The following INPP1 variants were observed in gnomAD, a reference collection of about 807,000 sequenced individuals.
INPP1 encodes inositol polyphosphate 1-phosphatase.
A neutral mutation model predicts 23.0 loss-of-function variants in INPP1; 18 were observed. The observed-to-expected ratio is 0.78, with a 90% CI of 0.54 to 1.16. The LOEUF is 1.16. Ranked by LOEUF, INPP1 falls within the 50% of genes most tolerant of loss-of-function variation. The probability of loss-of-function intolerance (pLI) is 0.00; values close to 1 mark genes in which losing one functional copy is unlikely to be tolerated. For missense variants in INPP1, 448 were observed against 482.1 expected (o/e 0.93, Z 0.66); for synonymous variants, 164 against 176.3 (o/e 0.93, Z 0.55).
At position 190,354,731 on chromosome 2, in the gene INPP1, T is replaced by C. The variant is rs916859545; in HGVS notation, c.-64-5308T>C. ...AACTAACACCAGAAGAATTAGGTAT[T>C]GGGCATGCCCCCTGCCATCAATGCC... On this transcript the variant is annotated intron_variant, in intron 2 of 6. Coordinates refer to ENST00000392329, the MANE Select transcript of INPP1 (RefSeq NM_001128928.2). The surrounding 1 kb of genome is among the most constrained non-coding windows in gnomAD (Gnocchi z 4.8). Among the ~76,000 whole-genome samples, 1 of 152,328 alleles carries C rather than the reference T, an allele frequency of 6.6e-6. No individual in the cohort carries two copies. Among genetic ancestry groups the C allele is most frequent in the East Asian group, 1.9e-4 (1 of 5,190 alleles).
chr2:190,365,201 C>T lies in INPP1; in HGVS notation c.266-1494C>T, dbSNP rs866527465. 5.3e-5 allele frequency: 9 copies of T among 168,928 alleles called. No individual in the cohort carries two copies. The Middle Eastern group carries it at 2.1e-3, about 39-fold the overall frequency. The allele number at this position is 168,928 out of a possible 1,614,324, so 10.5% of individuals were successfully genotyped here. ...AAAGCGATGGTAAAGCACCTGGCCTCGGTAACTTATCGTTTCATTTGAAGA... is the reference window on the plus strand; with the variant it reads ...AAAGCGATGGTAAAGCACCTGGCCTTGGTAACTTATCGTTTCATTTGAAGA... On this transcript the variant is annotated intron_variant, in intron 4 of 6. Transcript: ENST00000392329.
intron 1 of INPP1, among the ~76,000 whole-genome samples, chr2:190,347,637 A>G (rs548205577): frequency 4.6e-5 from 7 of 152,308 alleles, no homozygotes; most frequent in African/African-American, 1.7e-4. Flanking sequence ...ATTAATTTAA[A>G]TATTTGCCAA....
chr2:190,360,551 A>G (rs2067407), intron 3 of INPP1, among the ~76,000 whole-genome samples: 62,503 of 152,046 alleles, frequency 0.41, 14,863 homozygotes, highest in African/African-American at 0.66. Flanking sequence ...TCTAATACCT[A>G]GAAATAAACA....
chr2:190,360,759 T>C (rs1051701604), intron 3 of INPP1, among the ~76,000 whole-genome samples: 3 of 149,822 alleles, frequency 2.0e-5, no homozygotes, highest in African/African-American at 7.5e-5. Context: ...GCAACAGAAA[T>C]AAGAGCACAC....
At chr2:190,366,574 G>GCTCTCT in intron 4 of INPP1, 121 bp from the exon 5 acceptor site, 1 of 717,152 alleles carries the variant, frequency 1.4e-6, no homozygotes, top group Non-Finnish European at 2.4e-6. Flanking sequence ...TGTGTCTCTC[G>GCTCTCT]CTCTCTCTCT....
chr2:190,366,658 T>C lies in INPP1; in HGVS notation c.266-37T>C, dbSNP rs142183759. On this transcript the variant is annotated intron_variant, in intron 4 of 6. Coordinates refer to ENST00000392329, the MANE Select transcript of INPP1 (RefSeq NM_001128928.2). ...CTCTGTTCTTTCTCCACTGAAACTC[T>C]TGAAATGTAATGGCTTATCGTGTGG... 168 of 1,446,182 alleles carry C rather than the reference T, an allele frequency of 1.2e-4. 1 individual carries two copies. The African/African-American group carries it at 2.2e-3, about 19-fold the overall frequency. The allele number at this position is 1,446,182 out of a possible 1,614,324, so 89.6% of individuals were successfully genotyped here. A position where few individuals can be genotyped will look rare whatever the true frequency, so the allele number is the denominator to read the frequency against.
chr2:190,347,499 T>C (rs1689241399), intron 1 of INPP1, among the ~76,000 whole-genome samples: 2 of 152,198 alleles, frequency 1.3e-5, no homozygotes. Flanking sequence ...TTCCTTTTCC[T>C]TCTTCCTCTT....
At position 190,346,358 on chromosome 2, in the gene INPP1, G is replaced by A. The variant is rs992162989; in HGVS notation, c.-209+2397G>A. ...TCCTGTACATAAAATGTTCATATAT[G>A]GAAACTGATTTTATTAATATGATGA... On this transcript the variant is annotated intron_variant, in intron 1 of 6. Coordinates refer to ENST00000392329, the MANE Select transcript of INPP1 (RefSeq NM_001128928.2). This position sits in a 1 kb window ranked among gnomAD's most constrained non-coding sequence, Gnocchi z 5.1. Among the ~76,000 whole-genome samples the A allele has an allele frequency of 6.6e-6, 1 of 152,098 alleles. No homozygotes were observed. Among genetic ancestry groups the A allele is most frequent in the Non-Finnish European group, 1.5e-5 (1 of 67,996 alleles).
rs774867416 is a variant in INPP1, at chr2:190,366,721, T to C, written c.292T>C (p.Ser98Pro). The part of the protein sequence containing the change: ...WGEKITLRLC[S>P]TEEETAELLS... The stretch of plus-strand genomic sequence containing the variant: ...GGAAAAGATTACCTTGAGGTTGTGT[T>C]CAACAGAGGAGGAAACAGCAGAGCT... The change falls in exon 5 of 7, where the codon TCA becomes CCA. Residue 98 changes from serine to proline, a missense_variant. By Grantham distance (74) the Ser-to-Pro change is moderately conservative. Transcript: ENST00000392329. 1.4e-5 allele frequency: 22 copies of C among 1,613,180 alleles called. No individual in the cohort carries two copies. The highest frequency in any genetic ancestry group is 1.7e-5 in the Non-Finnish European group (20 of 1,179,242).
At chr2:190,351,641 C>G (rs549357440) in intron 2 of INPP1, among the ~76,000 whole-genome samples, 1 of 152,202 alleles carries the variant, frequency 6.6e-6, no homozygotes, top group Non-Finnish European at 1.5e-5. Flanking sequence ...TGCCTATTGT[C>G]GCAATTCATT....
At chr2:190,353,657 A>G (rs556856775) in intron 2 of INPP1, among the ~76,000 whole-genome samples, 67 of 152,338 alleles carry the variant, frequency 4.4e-4, no homozygotes, top group African/African-American at 1.4e-3. Flanking sequence ...CTTTATATTA[A>G]AGGTAAAGAG....
rs779737379 is a variant in INPP1 at position 190,360,096 on chromosome 2, T to C, written c.-7T>C. ...CAGCAGCTGCAACTGAAAAGCAAGG[T>C]TCAGAAATGTCAGATATCCTCCGGG... On this transcript the variant is annotated 5_prime_UTR_variant, in exon 3 of 7. Transcript: ENST00000392329. 2.1e-5 allele frequency: 34 copies of C among 1,612,312 alleles called. No homozygotes were observed. In the Middle Eastern group the frequency reaches 1.2e-3, roughly 59 times the overall value.
Position 190,352,287 on chromosome 2 carries a change from A to G in INPP1, c.-65+3256A>G, listed in dbSNP as rs767711368. Among the ~76,000 whole-genome samples, 5 of 152,226 alleles carry G rather than the reference A, an allele frequency of 3.3e-5. No homozygotes were observed. Among genetic ancestry groups the G allele is most frequent in the Non-Finnish European group, 7.3e-5 (5 of 68,034 alleles). On this transcript the variant is annotated intron_variant, in intron 2 of 6. Transcript: ENST00000392329. The surrounding 1 kb of genome is among the most constrained non-coding windows in gnomAD (Gnocchi z 4.7). ...AATCAGCTACTAAAAGGCTAAACTTAATCAGAGCCCATGAGGTAATGACAG... is the reference window on the plus strand; with the variant it reads ...AATCAGCTACTAAAAGGCTAAACTTGATCAGAGCCCATGAGGTAATGACAG...
intron 3 of INPP1, among the ~76,000 whole-genome samples, chr2:190,361,631 A>G (rs939803057): frequency 6.6e-6 from 1 of 152,224 alleles, no homozygotes; most frequent in Non-Finnish European, 1.5e-5. Flanking sequence ...GCAGTTGTTT[A>G]TTCATGAGCT....
At position 190,346,124 on chromosome 2, in the gene INPP1, G is replaced by A. The variant is rs1689210001; in HGVS notation, c.-209+2163G>A. 6.6e-6 allele frequency among the ~76,000 whole-genome samples: 1 copy of A among 152,248 alleles called. No individual in the cohort carries two copies. On this transcript the variant is annotated intron_variant, in intron 1 of 6. Transcript: ENST00000392329. The surrounding 1 kb of genome is among the most constrained non-coding windows in gnomAD (Gnocchi z 5.1). ...CTCAGGGTAGTAGGCAAGTCGGGGA[G>A]TGGGTAGAGTATAATAGTGGTTTAA...
At position 190,354,340 on chromosome 2, in the gene INPP1, G is replaced by C. The variant is rs2124922537; in HGVS notation, c.-65+5309G>C. On this transcript the variant is annotated intron_variant, in intron 2 of 6. Transcript: ENST00000392329. The surrounding 1 kb of genome is among the most constrained non-coding windows in gnomAD (Gnocchi z 4.8). The stretch of plus-strand genomic sequence containing the variant: ...AGATTGGGTCGCTAAGGTAACCACG[G>C]CCTGTCTTTCAGGAGAGGTTTTAGG... Among the ~76,000 whole-genome samples, 1 of 152,266 alleles carries C rather than the reference G, an allele frequency of 6.6e-6. No individual in the cohort carries two copies. Among genetic ancestry groups the C allele is most frequent in the Non-Finnish European group, 1.5e-5 (1 of 68,032 alleles).
chr2:190,362,049 T>C lies in INPP1; in HGVS notation c.205-578T>C, dbSNP rs558940107. On this transcript the variant is annotated intron_variant, in intron 3 of 6. Coordinates refer to ENST00000392329, the MANE Select transcript of INPP1 (RefSeq NM_001128928.2). ...CTTACTTGACTCCATTTATTCACTC[T>C]ATATATTGATACTTAAATTATTGGC... Among the ~76,000 whole-genome samples, 6 of 152,354 alleles carry C rather than the reference T, an allele frequency of 3.9e-5. No individual in the cohort carries two copies. The South Asian group carries it at 8.3e-4, about 21-fold the overall frequency.
intron 2 of INPP1, among the ~76,000 whole-genome samples, chr2:190,351,237 C>T (rs1048851269): frequency 2.0e-5 from 3 of 152,228 alleles, no homozygotes; most frequent in Non-Finnish European, 4.4e-5. Context: ...CCCCATGGCC[C>T]AGGTGCCTAA....
chr2:190,364,411 G>A lies in INPP1; in HGVS notation c.265+1724G>A, dbSNP rs375636455. 9.9e-5 allele frequency among the ~76,000 whole-genome samples: 15 copies of A among 151,740 alleles called. No individual in the cohort carries two copies. The East Asian group carries it at 1.8e-3, about 18-fold the overall frequency. On this transcript the variant is annotated intron_variant, in intron 4 of 6. Coordinates refer to ENST00000392329, the MANE Select transcript of INPP1 (RefSeq NM_001128928.2). ...AAAAAAATTAGCCGGGCGTGGTGGC[G>A]GGCGCCTGTAGTCCCAGATACTCAG...
Sources: allele counts gnomAD v4.1 joint callset (sites outside exome capture counted in the v4.1 genomes callset), GRCh38; gene constraint gnomAD v4.1.1; non-coding constraint Gnocchi (gnomAD v3.1); transcripts MANE v1.5; gene names NCBI Gene and HGNC (gene_info 2026-07-23, HGNC 2026-07-21).